Variants in PARVA observed in about 807,000 individuals in gnomAD.
The protein encoded by PARVA is parvin alpha.
PARVA carries 25 observed loss-of-function variants against 52.6 expected under a neutral mutation model. The ratio of observed to expected loss-of-function variants is 0.48; its 90% CI spans 0.35 to 0.66. The LOEUF is 0.66. PARVA is among the 30% of genes least tolerant of loss of function. PARVA has a pLI of 0.01. For missense variants in PARVA, 373 were observed against 450.9 expected (o/e 0.83, Z 1.56); for synonymous variants, 185 against 179.1 (o/e 1.03, Z -0.26).
chr11:12,393,715 G>A (rs1454653365), intron 1 of PARVA, among the ~76,000 whole-genome samples: 1 of 152,204 alleles, frequency 6.6e-6, no homozygotes. Context: ...CTAAGTGCAA[G>A]AGAAATATAA....
Position 12,500,116 on chromosome 11 carries a change from TCATAGTA to T in PARVA, c.541+3523_541+3529del, listed in dbSNP as rs1222042608. On this transcript the variant is annotated intron_variant, in intron 5 of 12. Transcript: ENST00000334956. ...CCAAAGGGTGAGAGCATTTTTAAGG[TCATAGTA>T]CATAATGTTAAATTACCTCCAGAAA... Among the ~76,000 whole-genome samples the T allele has an allele frequency of 2.0e-5, 3 of 152,116 alleles. No homozygotes were observed. In the East Asian group the frequency reaches 5.8e-4, roughly 29 times the overall value.
intron 1 of PARVA, among the ~76,000 whole-genome samples, chr11:12,465,968 A>G (rs774584861): frequency 3.9e-5 from 6 of 152,244 alleles, no homozygotes; most frequent in South Asian, 2.1e-4. Flanking sequence ...CCAGCAATAA[A>G]TGAAAGTTCC....
intron 1 of PARVA, among the ~76,000 whole-genome samples, chr11:12,412,399 G>A (rs150377192): frequency 1.2e-3 from 176 of 152,324 alleles, no homozygotes; most frequent in African/African-American, 4.0e-3. Context: ...CCTTGGGTGG[G>A]TCTTTTAAGG....
At chr11:12,382,594 T>C (rs1939508190) in intron 1 of PARVA, among the ~76,000 whole-genome samples, 1 of 152,174 alleles carries the variant, frequency 6.6e-6, no homozygotes, top group South Asian at 2.1e-4. Flanking sequence ...AACTACATCA[T>C]AGAATGACTA....
chr11:12,510,908 AT>A (rs1281204342), intron 7 of PARVA, among the ~76,000 whole-genome samples: 1 of 152,190 alleles, frequency 6.6e-6, no homozygotes, highest in Non-Finnish European at 1.5e-5. Context: ...ACTCAGTGCA[AT>A]TTAAACCTCA....
chr11:12,468,556 G>A (rs1333442424), intron 1 of PARVA, among the ~76,000 whole-genome samples: 1 of 152,174 alleles, frequency 6.6e-6, no homozygotes, highest in East Asian at 1.9e-4. Flanking sequence ...CATGTTATCA[G>A]TTAGGGAGTT....
chr11:12,445,863 A>G (rs1327596098), intron 1 of PARVA, among the ~76,000 whole-genome samples: 1 of 152,194 alleles, frequency 6.6e-6, no homozygotes, highest in Non-Finnish European at 1.5e-5. Context: ...ACATGTTCCA[A>G]TTTTTGACTC....
At chr11:12,449,836 G>A (rs1320354744) in intron 1 of PARVA, among the ~76,000 whole-genome samples, 1 of 152,190 alleles carries the variant, frequency 6.6e-6, no homozygotes, top group Admixed American at 6.5e-5. Context: ...CCTGTCCAAA[G>A]ATCAATAGTG....
At chr11:12,472,204 A>G (rs745608762) in intron 1 of PARVA, among the ~76,000 whole-genome samples, 3 of 152,176 alleles carry the variant, frequency 2.0e-5, no homozygotes, top group Non-Finnish European at 4.4e-5. Flanking sequence ...TACACTAAAC[A>G]CTAATGATAG....
At chr11:12,514,730 C>T (rs986367970) in intron 10 of PARVA, among the ~76,000 whole-genome samples, 1 of 152,226 alleles carries the variant, frequency 6.6e-6, no homozygotes, top group Non-Finnish European at 1.5e-5. Context: ...AGGTGATCCA[C>T]CCACCTTGGC....
At chr11:12,517,327 A>G (rs1435672820) in intron 10 of PARVA, among the ~76,000 whole-genome samples, 6 of 44,120 alleles carry the variant, frequency 1.4e-4, no homozygotes, top group Admixed American at 1.2e-3. Context: ...CCCACCCCCC[A>G]CCATGCTCTG....
chr11:12,458,967 C>G (rs1177046091), intron 1 of PARVA, among the ~76,000 whole-genome samples: 1 of 152,170 alleles, frequency 6.6e-6, no homozygotes, highest in Non-Finnish European at 1.5e-5. Flanking sequence ...TTTCTTTGTT[C>G]TTCTTTCCTT....
At chr11:12,488,248 GA>G (rs1941187430) in intron 4 of PARVA, among the ~76,000 whole-genome samples, 1 of 152,138 alleles carries the variant, frequency 6.6e-6, no homozygotes, top group Non-Finnish European at 1.5e-5. Context: ...AATATGATAA[GA>G]AAATAGATTT....
At chr11:12,434,694 T>C (rs1256531420) in intron 1 of PARVA, among the ~76,000 whole-genome samples, 1 of 152,146 alleles carries the variant, frequency 6.6e-6, no homozygotes, top group Non-Finnish European at 1.5e-5. Flanking sequence ...GCCTCTATCC[T>C]TCCAGACCCT....
At chr11:12,391,371 C>A (rs1565324969) in intron 1 of PARVA, among the ~76,000 whole-genome samples, 1 of 152,154 alleles carries the variant, frequency 6.6e-6, no homozygotes, top group Non-Finnish European at 1.5e-5. Context: ...TTTGTGAGAT[C>A]CCAGTGTCGC....
intron 1 of PARVA, among the ~76,000 whole-genome samples, chr11:12,473,011 G>A (rs1940954038): frequency 6.6e-6 from 1 of 152,112 alleles, no homozygotes. Flanking sequence ...TTCTTTCTGA[G>A]GAAGGTGGAA....
At chr11:12,442,250 T>A (rs1443576037) in intron 1 of PARVA, among the ~76,000 whole-genome samples, 1 of 152,252 alleles carries the variant, frequency 6.6e-6, no homozygotes, top group Non-Finnish European at 1.5e-5. Flanking sequence ...CTGAACAAAC[T>A]TCTTACCTCT....
At chr11:12,413,337 G>A (rs1319584533) in intron 1 of PARVA, among the ~76,000 whole-genome samples, 1 of 152,186 alleles carries the variant, frequency 6.6e-6, no homozygotes, top group African/African-American at 2.4e-5. Context: ...CTTAAAACAT[G>A]ACTGTGCTCC....
At chr11:12,414,676 G>A (rs906662546) in intron 1 of PARVA, among the ~76,000 whole-genome samples, 7 of 151,380 alleles carry the variant, frequency 4.6e-5, no homozygotes, top group Non-Finnish European at 1.0e-4. Context: ...CTTGGAAAGT[G>A]AAAATATATT....
Sources: gnomAD v4.1 joint callset for allele counts (sites outside exome capture counted in the v4.1 genomes callset) on GRCh38, gnomAD v4.1.1 for gene constraint, MANE v1.5 for transcripts, NCBI Gene and HGNC (gene_info 2026-07-23, HGNC 2026-07-21) for gene names.